Variants in PRDM10 observed in about 807,000 individuals in gnomAD.
The protein encoded by PRDM10 is PR/SET domain 10.
In PRDM10, 65 loss-of-function variants were observed where a neutral mutation model predicts 133.1. That is an observed-to-expected ratio of 0.49 (90% CI 0.40 to 0.60). PRDM10 has a LOEUF of 0.60. Ranked by LOEUF, PRDM10 falls within the 20% of genes least tolerant of loss-of-function variation. The pLI is 0.00. For missense variants in PRDM10, 1,137 were observed against 1,507.1 expected, an observed-to-expected ratio of 0.75 and a Z score of 4.07; for synonymous variants, 582 against 580.4, an observed-to-expected ratio of 1.00 and a Z score of -0.04.
At chr11:129,958,024 C>T (rs913139603) in intron 2 of PRDM10, 114 bp from the exon 3 acceptor site, 10 of 1,214,594 alleles carry the variant, frequency 8.2e-6, no homozygotes, top group African/African-American at 1.5e-5. Flanking sequence ...ATGGATACAC[C>T]TTTGTCTACA....
chr11:129,969,252 G>A (rs1276530913), intron 1 of PRDM10, among the ~76,000 whole-genome samples: 1 of 152,128 alleles, frequency 6.6e-6, no homozygotes, highest in African/African-American at 2.4e-5. Flanking sequence ...TATTCTTCAG[G>A]AATATTTATA....
intron 20 of PRDM10, among the ~76,000 whole-genome samples, chr11:129,903,537 C>T (rs574990286): frequency 3.7e-4 from 56 of 152,168 alleles, no homozygotes; most frequent in East Asian, 1.3e-3. Flanking sequence ...AAAACGTCTT[C>T]GTGACGTTCA....
Position 129,947,097 on chromosome 11 carries a change from C to T in PRDM10, c.520+48G>A. On this transcript the variant is annotated intron_variant, in intron 5 of 20. Coordinates refer to ENST00000360871, the MANE Select transcript of PRDM10 (RefSeq NM_199437.2). The surrounding 1 kb of genome is among the most constrained non-coding windows in gnomAD (Gnocchi z 4.6). ...ACACACACGCACACGTACACAGACA[C>T]ACAAGATGGACACAGCTTCCCTGGG... 2.5e-6 allele frequency: 4 copies of T among 1,601,516 alleles called. No homozygotes were observed. Among genetic ancestry groups the T allele is most frequent in the African/African-American group, 2.7e-5 (2 of 74,936 alleles).
intron 1 of PRDM10, among the ~76,000 whole-genome samples, chr11:129,973,074 T>C (rs576865396): frequency 6.6e-6 from 1 of 152,300 alleles, no homozygotes; most frequent in East Asian, 1.9e-4. Context: ...AGTTCTAGGA[T>C]ACAAATTAGC....
At chr11:129,957,054 C>T (rs1430979234) in intron 3 of PRDM10, among the ~76,000 whole-genome samples, 1 of 152,218 alleles carries the variant, frequency 6.6e-6, no homozygotes, top group Non-Finnish European at 1.5e-5. Flanking sequence ...GCTTCTAGTA[C>T]AGCCTTGCAA....
intron 1 of PRDM10, among the ~76,000 whole-genome samples, chr11:129,993,376 G>A (rs1938854677): frequency 6.6e-6 from 1 of 152,094 alleles, no homozygotes; most frequent in Non-Finnish European, 1.5e-5. Flanking sequence ...CTGCCTTTCT[G>A]CCATGCCTCC....
intron 6 of PRDM10, 47 bp downstream of exon 6, chr11:129,944,724 A>T: frequency 6.2e-7 from 1 of 1,605,276 alleles, no homozygotes; most frequent in Non-Finnish European, 8.5e-7. Flanking sequence ...GTGCTCCTTC[A>T]AACACTGGTA....
chr11:129,956,726 T>C (rs1408100100), intron 3 of PRDM10, among the ~76,000 whole-genome samples: 1 of 152,246 alleles, frequency 6.6e-6, no homozygotes, highest in Non-Finnish European at 1.5e-5. Context: ...TCTTCAGTGA[T>C]TTCATACTTA....
chr11:129,982,460 C>T (rs538134439), intron 1 of PRDM10, among the ~76,000 whole-genome samples: 7 of 151,956 alleles, frequency 4.6e-5, no homozygotes, highest in Non-Finnish European at 7.4e-5. Context: ...GACGAGGTTT[C>T]GCCAATTTAA....
chr11:129,939,058 C>G (rs1295299291), intron 7 of PRDM10, among the ~76,000 whole-genome samples: 1 of 152,240 alleles, frequency 6.6e-6, no homozygotes, highest in Admixed American at 6.5e-5. Flanking sequence ...GCCTCGTCAG[C>G]AGGGCCTTCC....
intron 1 of PRDM10, among the ~76,000 whole-genome samples, chr11:129,982,769 G>A (rs1480883384): frequency 6.6e-6 from 1 of 151,900 alleles, no homozygotes; most frequent in Non-Finnish European, 1.5e-5. Flanking sequence ...TGGGCAACAT[G>A]GCAAGACCTC....
intron 2 of PRDM10, 36 bp downstream of exon 2, chr11:129,960,860 C>A: frequency 1.2e-6 from 2 of 1,610,874 alleles, no homozygotes; most frequent in East Asian, 4.5e-5. Flanking sequence ...CAGCTGAAAA[C>A]CTCTCAATAC....
chr11:129,979,654 T>G (rs1298183237), intron 1 of PRDM10, among the ~76,000 whole-genome samples: 1 of 152,170 alleles, frequency 6.6e-6, no homozygotes, highest in African/African-American at 2.4e-5. Flanking sequence ...ACCAGCACAG[T>G]CTGGTAAGCA....
chr11:129,939,838 G>A (rs866672543), intron 7 of PRDM10, among the ~76,000 whole-genome samples: 5 of 152,174 alleles, frequency 3.3e-5, no homozygotes, highest in African/African-American at 1.2e-4. Flanking sequence ...TCAAGGATAC[G>A]TGAGTCAATT....
intron 4 of PRDM10, chr11:129,948,050 T>C (rs775298309): frequency 2.2e-6 from 1 of 456,720 alleles, no homozygotes; most frequent in Non-Finnish European, 4.4e-6. Context: ...CTGAGGTTTT[T>C]AAGTAAGAAT....
intron 1 of PRDM10, among the ~76,000 whole-genome samples, chr11:129,972,168 GC>G (rs946683120): frequency 6.6e-6 from 1 of 152,146 alleles, no homozygotes; most frequent in African/African-American, 2.4e-5. Flanking sequence ...GCCCGCAAGC[GC>G]CGCGCGCAGC....
At position 129,924,968 on chromosome 11, in the gene PRDM10, A is replaced by T; in HGVS notation, c.1792T>A (p.Leu598Met). Reference sequence around the variant, plus strand: ...TGAATGGCCACATGATCTTTCAACAAATCAAGGCGGTCAAAGGATTCTGGG... The same window carrying T: ...TGAATGGCCACATGATCTTTCAACATATCAAGGCGGTCAAAGGATTCTGGG... ...FCPESFDRLD[L>M]LKDHVAIHIN... Residue 598 changes from leucine to methionine, a missense_variant, in exon 12 of 21, where the codon TTG (leucine) becomes ATG (methionine). This residue lies in a region of PRDM10 where 635 missense variants were observed against 835.2 expected (regional missense o/e 0.76). Transcript: ENST00000360871. 4 of 1,614,236 alleles carry T rather than the reference A, an allele frequency of 2.5e-6. No individual in the cohort carries two copies. Among genetic ancestry groups the T allele is most frequent in the Non-Finnish European group, 3.4e-6 (4 of 1,180,042 alleles).
chr11:129,989,876 A>T (rs908407460), intron 1 of PRDM10, among the ~76,000 whole-genome samples: 4 of 152,154 alleles, frequency 2.6e-5, no homozygotes, highest in African/African-American at 9.7e-5. Flanking sequence ...TTTAGTTCAA[A>T]CAGACTGAAC....
intron 10 of PRDM10, 59 bp from the exon 11 acceptor site, chr11:129,931,317 T>C: frequency 6.5e-7 from 1 of 1,539,100 alleles, no homozygotes; most frequent in Non-Finnish European, 8.8e-7. Flanking sequence ...CAGCTCAGAT[T>C]TAGAATTGCT....
Sources: allele counts gnomAD v4.1 joint callset (sites outside exome capture counted in the v4.1 genomes callset), GRCh38; gene constraint gnomAD v4.1.1; regional missense constraint gnomAD v4.1.1; non-coding constraint Gnocchi (gnomAD v3.1); transcripts MANE v1.5; gene names NCBI Gene and HGNC (gene_info 2026-07-23, HGNC 2026-07-21).